The following BMP5 variants were observed in gnomAD, a reference collection of about 807,000 sequenced individuals.
BMP5 encodes bone morphogenetic protein 5.
In BMP5, 23 loss-of-function variants were observed where a neutral mutation model predicts 46.6. The ratio of observed to expected loss-of-function variants is 0.49; its 90% confidence interval spans 0.35 to 0.70. The LOEUF (loss-of-function observed/expected upper bound fraction) is 0.70, where lower values mean the gene tolerates loss of function less well. BMP5 is among the 30% of genes least tolerant of loss of function. BMP5 has a pLI of 0.00. For missense variants in BMP5, 545 were observed against 565.6 expected, an observed-to-expected ratio of 0.96 and a Z score of 0.37; for synonymous variants, 204 against 191.9, an observed-to-expected ratio of 1.06 and a Z score of -0.52.
At chr6:55,832,914 C>T (rs1776699738) in intron 1 of BMP5, among the ~76,000 whole-genome samples, 1 of 151,714 alleles carries the variant, frequency 6.6e-6, no homozygotes, top group Non-Finnish European at 1.5e-5. Flanking sequence ...AGTTTGAGAC[C>T]AGCTTGTGCA....
chr6:55,870,266 T>C (rs980574797), intron 1 of BMP5, among the ~76,000 whole-genome samples: 47 of 151,924 alleles, frequency 3.1e-4, no homozygotes, highest in Admixed American at 2.0e-3. Flanking sequence ...CCAGAGTTTG[T>C]CTGTCATGCC....
chr6:55,831,371 T>C (rs1485149549), intron 1 of BMP5, among the ~76,000 whole-genome samples: 1 of 152,200 alleles, frequency 6.6e-6, no homozygotes, highest in East Asian at 1.9e-4. Flanking sequence ...CCTTGAGATA[T>C]AAACGTAAAA....
intron 2 of BMP5, among the ~76,000 whole-genome samples, chr6:55,819,316 T>A (rs1391601147): frequency 3.3e-5 from 5 of 152,190 alleles, no homozygotes; most frequent in African/African-American, 9.7e-5. Flanking sequence ...AATTTCATTA[T>A]CTTAATTATA....
At position 55,774,089 on chromosome 6, in the gene BMP5, G is replaced by A. The variant is rs1258649053; in HGVS notation, c.987C>T (p.Ser329=). 2 of 1,612,868 alleles carry A rather than the reference G, an allele frequency of 1.2e-6. No individual in the cohort carries two copies. Among genetic ancestry groups the A allele is most frequent in the East Asian group, 2.2e-5 (1 of 44,824 alleles). The change falls in exon 4 of 7, where the codon TCC becomes TCT. Residue 329 remains serine (S), a synonymous_variant. Transcript: ENST00000370830. The part of the protein sequence containing the change: ...NKRKNQNRNK[S]SSHQDSSRMS... ...TTCTGGAGGAGTCCTGATGAGAGCT[G>A]GATTTATTGCGGTTTTGATTTTTTC... is the stretch of plus-strand genomic sequence containing the variant.
intron 2 of BMP5, among the ~76,000 whole-genome samples, chr6:55,814,164 T>C (rs1356342576): frequency 6.6e-6 from 1 of 152,100 alleles, no homozygotes; most frequent in East Asian, 1.9e-4. Flanking sequence ...TTTTCATATA[T>C]TAAATTATGT....
intron 1 of BMP5, among the ~76,000 whole-genome samples, chr6:55,830,524 A>C (rs1776639477): frequency 6.6e-6 from 1 of 152,084 alleles, no homozygotes; most frequent in African/African-American, 2.4e-5. Context: ...TAAGATGCAC[A>C]CCTGGAAACA....
At chr6:55,837,286 TA>T (rs1457553537) in intron 1 of BMP5, among the ~76,000 whole-genome samples, 1 of 151,788 alleles carries the variant, frequency 6.6e-6, no homozygotes. Flanking sequence ...ATGCTTTCAA[TA>T]AAACAGTGAA....
chr6:55,806,077 A>G (rs1026698079), intron 2 of BMP5, among the ~76,000 whole-genome samples: 2 of 151,904 alleles, frequency 1.3e-5, no homozygotes, highest in Admixed American at 1.3e-4. Flanking sequence ...GTTTAATTAG[A>G]TCTCATTTAT....
intron 1 of BMP5, 117 bp from the exon 2 acceptor site, chr6:55,819,964 G>GAA: frequency 1.1e-6 from 1 of 926,962 alleles, no homozygotes. Context: ...TATAAAACTG[G>GAA]AAAAACCCTA....
chr6:55,806,015 G>C (rs1197931883), intron 2 of BMP5, among the ~76,000 whole-genome samples: 1 of 152,044 alleles, frequency 6.6e-6, no homozygotes, highest in Non-Finnish European at 1.5e-5. Context: ...CCCTTCTGTA[G>C]GTTGTCTGTT....
At chr6:55,872,632 A>G (rs540967508) in intron 1 of BMP5, among the ~76,000 whole-genome samples, 1 of 151,812 alleles carries the variant, frequency 6.6e-6, no homozygotes, top group Non-Finnish European at 1.5e-5. Flanking sequence ...AATCATGCTT[A>G]CACTTCTCTT....
At chr6:55,785,145 GGATTAACTAT>G in intron 3 of BMP5, among the ~76,000 whole-genome samples, 1 of 151,578 alleles carries the variant, frequency 6.6e-6, no homozygotes, top group Non-Finnish European at 1.5e-5. Flanking sequence ...AGTTAAACCT[GGATTAACTAT>G]GTAGAATTTA....
intron 1 of BMP5, among the ~76,000 whole-genome samples, chr6:55,847,012 C>G (rs998452063): frequency 4.0e-5 from 6 of 151,458 alleles, no homozygotes; most frequent in African/African-American, 1.5e-4. Context: ...AGGAAAATAA[C>G]CAGCAAGGGT....
intron 4 of BMP5, among the ~76,000 whole-genome samples, chr6:55,761,106 A>G (rs934870582): frequency 2.0e-5 from 3 of 152,034 alleles, no homozygotes; most frequent in Non-Finnish European, 4.4e-5. Flanking sequence ...AATAAAAACC[A>G]AAACAAAACA....
At chr6:55,838,360 T>C (rs1463866796) in intron 1 of BMP5, among the ~76,000 whole-genome samples, 3 of 152,226 alleles carry the variant, frequency 2.0e-5, no homozygotes, top group Non-Finnish European at 4.4e-5. Context: ...TGATATCTCA[T>C]TGCAGTTTTG....
intron 1 of BMP5, among the ~76,000 whole-genome samples, chr6:55,868,193 T>C (rs1274832920): frequency 1.3e-5 from 2 of 152,212 alleles, no homozygotes; most frequent in Non-Finnish European, 2.9e-5. Flanking sequence ...AAAATCTAAA[T>C]AGGATTTACA....
intron 4 of BMP5, 83 bp downstream of exon 4, chr6:55,773,966 G>C (rs1775106854): frequency 6.2e-6 from 9 of 1,445,676 alleles, no homozygotes; most frequent in Non-Finnish European, 8.7e-6. Context: ...ATACATAGAG[G>C]GTAAATTTAT....
At chr6:55,814,825 A>T (rs1776216149) in intron 2 of BMP5, among the ~76,000 whole-genome samples, 1 of 152,220 alleles carries the variant, frequency 6.6e-6, no homozygotes, top group South Asian at 2.1e-4. Flanking sequence ...ATACCTGATC[A>T]ACAGTATATA....
At chr6:55,793,241 T>A (rs879080883) in intron 3 of BMP5, among the ~76,000 whole-genome samples, 12 of 152,166 alleles carry the variant, frequency 7.9e-5, no homozygotes, top group Admixed American at 3.9e-4. Context: ...CACCACAGTC[T>A]GCAAATTCTG....
Sources: allele counts gnomAD v4.1 joint callset (sites outside exome capture counted in the v4.1 genomes callset), GRCh38; gene constraint gnomAD v4.1.1; transcripts MANE v1.5; gene names NCBI Gene and HGNC (gene_info 2026-07-23, HGNC 2026-07-21).